Variants in TGM5 observed in about 807,000 individuals in gnomAD.
TGM5 encodes the protein protein-glutamine gamma-glutamyltransferase 5.
TGM5 carries 69 observed loss-of-function variants against 77.2 expected under a neutral mutation model. The observed-to-expected ratio is 0.89, with a 90% CI of 0.74 to 1.09. TGM5 has a LOEUF of 1.09. Among genes scored for constraint, TGM5 ranks in the 50% least tolerant of loss-of-function variants. The probability of loss-of-function intolerance (pLI) is 0.00; values close to 1 mark genes in which losing one functional copy is unlikely to be tolerated. For missense variants in TGM5, 842 were observed against 896.5 expected, an observed-to-expected ratio of 0.94 and a Z score of 0.78; for synonymous variants, 346 against 351.8, an observed-to-expected ratio of 0.98 and a Z score of 0.18.
At chr15:43,265,260 A>G (rs2042816768) in intron 1 of TGM5, among the ~76,000 whole-genome samples, 1 of 152,186 alleles carries the variant, frequency 6.6e-6, no homozygotes. Context: ...CATCACCCCC[A>G]AGAGCTGTTG....
At chr15:43,245,950 C>T (rs1229343963) in intron 6 of TGM5, among the ~76,000 whole-genome samples, 2 of 151,256 alleles carry the variant, frequency 1.3e-5, no homozygotes, top group Non-Finnish European at 2.9e-5. Flanking sequence ...ATGAGCACTA[C>T]AATCTACTCC....
intron 4 of TGM5, 32 bp downstream of exon 4, chr15:43,256,536 C>G: frequency 6.4e-7 from 1 of 1,552,364 alleles, no homozygotes; most frequent in Non-Finnish European, 8.9e-7. Context: ...AGCTCGGGGC[C>G]GGGATGGGCC....
chr15:43,239,781 T>C (rs1303754793), intron 7 of TGM5: 1 of 185,790 alleles, frequency 5.4e-6, no homozygotes, highest in African/African-American at 2.4e-5. Context: ...AGTGAAGGCT[T>C]CCAGAGTCCA....
In TGM5 at chr15:43,261,066, T is replaced by TG. The variant is rs1387409077; in HGVS notation, c.11-488_11-487insC. On this transcript the variant is annotated intron_variant, in intron 1 of 12. Transcript: ENST00000220420. ...CTTGGGCTAGCTGCTCTTCCTTTTT[T>TG]TGTGTGTGTGTTTTTTTTTTTTTTT... Among the ~76,000 whole-genome samples, 4 of 70,804 alleles carry TG rather than the reference T, an allele frequency of 5.6e-5. 1 individual carries two copies. 46.5% of individuals were successfully genotyped at this position (70,804 alleles called of 152,430 possible). A position where few individuals can be genotyped will look rare whatever the true frequency, so the allele number is the denominator to read the frequency against.
chr15:43,233,921 C>G (rs777164133), intron 11 of TGM5, among the ~76,000 whole-genome samples: 1 of 152,160 alleles, frequency 6.6e-6, no homozygotes, highest in Non-Finnish European at 1.5e-5. Context: ...GTCCCCCCTC[C>G]CCTCTCTACC....
chr15:43,256,622 G>T lies in TGM5; in HGVS notation c.501C>A (p.Phe167Leu), dbSNP rs1248061558. The T allele has an allele frequency of 6.2e-6, 10 of 1,614,136 alleles. No individual in the cohort carries two copies. The highest frequency in any genetic ancestry group is 1.6e-4 in the Middle Eastern group (1 of 6,062). ...TCCAGTTCTTGCTGCCTTGGTAGATGAAGCCATAATCATTCATGACATACT... is the reference window on the plus strand; with the variant it reads ...TCCAGTTCTTGCTGCCTTGGTAGATTAAGCCATAATCATTCATGACATACT... ...RQEYVMNDYG[F>L]IYQGSKNWIR... Residue 167 changes from phenylalanine to leucine, a missense_variant, in exon 4 of 13, where the codon TTC becomes TTA. By Grantham distance (22) the Phe-to-Leu change is conservative (BLOSUM62 0). Transcript: ENST00000220420.
At chr15:43,261,146 G>T (rs1258238695) in intron 1 of TGM5, among the ~76,000 whole-genome samples, 3 of 137,152 alleles carry the variant, frequency 2.2e-5, no homozygotes, top group Non-Finnish European at 4.6e-5. Flanking sequence ...CTGCTGTGCA[G>T]TGGCACGATC....
At chr15:43,263,131 C>A (rs2042801655) in intron 1 of TGM5, among the ~76,000 whole-genome samples, 1 of 152,066 alleles carries the variant, frequency 6.6e-6, no homozygotes, top group Non-Finnish European at 1.5e-5. Context: ...ATAACAGCAT[C>A]AAAAAGAATG....
At position 43,256,522 on chromosome 15, in the gene TGM5, C is replaced by A. The variant is rs770440486; in HGVS notation, c.555+46G>T. 13 of 1,485,022 alleles carry A rather than the reference C, an allele frequency of 8.8e-6. No individual in the cohort carries two copies. In the Admixed American group the frequency reaches 1.8e-4, roughly 21 times the overall value. The allele number at this position is 1,485,022 out of a possible 1,614,324, so 92.0% of individuals were successfully genotyped here. On this transcript the variant is annotated intron_variant, in intron 4 of 12. Coordinates refer to ENST00000220420, the MANE Select transcript of TGM5 (RefSeq NM_201631.4). ...TCACATGTGCCCTGCTCCCTCTCCC[C>A]ACAAGCTCGGGGCCGGGATGGGCCA...
chr15:43,257,016 G>A (rs1204971439), intron 3 of TGM5, among the ~76,000 whole-genome samples: 1 of 152,194 alleles, frequency 6.6e-6, no homozygotes, highest in Non-Finnish European at 1.5e-5. Context: ...GCACAGAGCT[G>A]GAAATTGAAC....
chr15:43,241,876 G>C (rs1021889431), intron 6 of TGM5, among the ~76,000 whole-genome samples: 1 of 152,014 alleles, frequency 6.6e-6, no homozygotes, highest in Non-Finnish European at 1.5e-5. Flanking sequence ...CTGACCTCAA[G>C]TGATCCGCCT....
Position 43,232,968 on chromosome 15 carries a change from T to C in TGM5, c.*223A>G, listed in dbSNP as rs1276005080. 4 of 585,928 alleles carry C rather than the reference T, an allele frequency of 6.8e-6. No homozygotes were observed. Among genetic ancestry groups the C allele is most frequent in the Middle Eastern group, 4.5e-4 (1 of 2,202 alleles). The allele number at this position is 585,928 out of a possible 1,614,324, so 36.3% of individuals were successfully genotyped here. A position where few individuals can be genotyped will look rare whatever the true frequency, so the allele number is the denominator to read the frequency against. ...AGTGCCTAGCATATGCCAGAAATGG[T>C]TCTGAGTATAGGGGTAGTAAACAAA... is the stretch of plus-strand genomic sequence containing the variant. On this transcript the variant is annotated 3_prime_UTR_variant, in exon 13 of 13. Coordinates refer to ENST00000220420, the MANE Select transcript of TGM5 (RefSeq NM_201631.4).
Position 43,235,552 on chromosome 15 carries a change from C to G in TGM5, c.1631G>C (p.Ser544Thr). 6.2e-7 allele frequency: 1 copy of G among 1,614,164 alleles called. No homozygotes were observed. The highest frequency in any genetic ancestry group is 2.2e-5 in the East Asian group (1 of 44,882). ...SQFKDLKVNL[S>T]AQSLLHDGSP... Reference sequence around the variant, plus strand: ...GCCATCGTGCAGCAGAGACTGGGCACTCAGGTTCACTTTGAGGTCCTTGAA... The same window carrying G: ...GCCATCGTGCAGCAGAGACTGGGCAGTCAGGTTCACTTTGAGGTCCTTGAA... Residue 544 changes from serine to threonine, a missense_variant, in exon 10 of 13, where the codon AGT (serine) becomes ACT (threonine). Ser to Thr is a moderately conservative substitution (Grantham distance 58). Around this residue, in one of 2 missense-constraint regions of TGM5, gnomAD observed 815 missense variants for 844.6 expected, o/e 0.96. Transcript: ENST00000220420.
chr15:43,239,305 G>C (rs2042617019), intron 7 of TGM5, 39 bp from the exon 8 acceptor site: 1 of 1,601,468 alleles, frequency 6.2e-7, no homozygotes, highest in Non-Finnish European at 8.6e-7. Context: ...TGTACTGCTT[G>C]GTCTTTCTAG....
intron 9 of TGM5, among the ~76,000 whole-genome samples, 197 bp downstream of exon 9, chr15:43,238,620 C>T (rs2042608053): frequency 6.6e-6 from 1 of 152,080 alleles, no homozygotes; most frequent in South Asian, 2.1e-4. Flanking sequence ...GGCGGGAGCT[C>T]GCTGGCCTGC....
chr15:43,233,401 C>A, intron 12 of TGM5, 57 bp from the exon 13 acceptor site: 1 of 1,611,250 alleles, frequency 6.2e-7, no homozygotes, highest in Non-Finnish European at 8.5e-7. Flanking sequence ...GACCCTGGAG[C>A]CCTTTTCCAC....
intron 7 of TGM5, 88 bp downstream of exon 7, chr15:43,240,764 C>T: frequency 6.3e-7 from 1 of 1,576,532 alleles, no homozygotes; most frequent in Admixed American, 1.7e-5. Flanking sequence ...AGGGACCAGG[C>T]TCATGGACCT....
At chr15:43,246,159 C>T (rs762803479) in intron 6 of TGM5, among the ~76,000 whole-genome samples, 1 of 152,118 alleles carries the variant, frequency 6.6e-6, no homozygotes, top group Admixed American at 6.5e-5. Flanking sequence ...ATGAAGCCCT[C>T]GGGCAAGTCT....
intron 4 of TGM5, among the ~76,000 whole-genome samples, chr15:43,255,765 C>T (rs950060724): frequency 2.0e-5 from 3 of 152,194 alleles, no homozygotes; most frequent in Non-Finnish European, 4.4e-5. Context: ...CCTTGCCTGG[C>T]ACTGGACTTC....
Sources: allele counts gnomAD v4.1 joint callset (sites outside exome capture counted in the v4.1 genomes callset), GRCh38; gene constraint gnomAD v4.1.1; regional missense constraint gnomAD v4.1.1; transcripts MANE v1.5; gene names NCBI Gene and HGNC (gene_info 2026-07-23, HGNC 2026-07-21).